ZC3H4: variants seen among roughly 807,000 people sequenced by gnomAD.
ZC3H4 encodes zinc finger CCCH-type containing 4, also known as zinc finger CCCH domain-containing protein 4.
In ZC3H4, 13 loss-of-function variants were observed where a neutral mutation model predicts 108.3. The observed-to-expected ratio is 0.12, with a 90% CI of 0.08 to 0.19. The LOEUF (loss-of-function observed/expected upper bound fraction) is 0.19, where lower values mean the gene tolerates loss of function less well. Ranked by LOEUF, ZC3H4 falls within the 10% of genes least tolerant of loss-of-function variation. ZC3H4 has a pLI of 1.00. For synonymous variants in ZC3H4, 917 were observed against 749.6 expected (o/e 1.22, Z -3.65); for missense variants, 1,734 against 1,838.8 (o/e 0.94, Z 1.04).
rs114294539 is a variant in ZC3H4 at position 47,082,707 on chromosome 19, T to G, written c.1219-412A>C. Among the ~76,000 whole-genome samples the G allele has an allele frequency of 5.4e-3, 817 of 152,242 alleles. 13 individuals carry two copies. Among genetic ancestry groups the G allele is most frequent in the African/African-American group, 0.019 (795 of 41,536 alleles). The stretch of plus-strand genomic sequence containing the variant: ...AGGCACAGCAACCACCGTGTAACCA[T>G]GAGGACAAAAGCCATATGTTTAAAG... On this transcript the variant is annotated intron_variant, in intron 9 of 14. Transcript: ENST00000253048.
intron 2 of ZC3H4, among the ~76,000 whole-genome samples, chr19:47,101,048 T>C (rs1238233730): frequency 6.6e-6 from 1 of 151,972 alleles, no homozygotes; most frequent in Non-Finnish European, 1.5e-5. Context: ...TACTGAAGAA[T>C]CTACAGGTAT....
At chr19:47,088,313 C>T (rs1234780706) in intron 5 of ZC3H4, among the ~76,000 whole-genome samples, 3 of 151,296 alleles carry the variant, frequency 2.0e-5, no homozygotes, top group East Asian at 3.9e-4. Context: ...TTTGGGAGGC[C>T]GAGGTAGGCG....
At chr19:47,088,773 T>C (rs1023777028) in intron 5 of ZC3H4, among the ~76,000 whole-genome samples, 2 of 152,092 alleles carry the variant, frequency 1.3e-5, no homozygotes, top group South Asian at 2.1e-4. Context: ...CTATCCAGTG[T>C]CCTTTTCACT....
At chr19:47,088,480 A>G (rs1366149417) in intron 5 of ZC3H4, among the ~76,000 whole-genome samples, 2 of 151,866 alleles carry the variant, frequency 1.3e-5, no homozygotes, top group Non-Finnish European at 2.9e-5. Context: ...CTCTGGAGGC[A>G]GAGGTTGCAG....
intron 2 of ZC3H4, among the ~76,000 whole-genome samples, chr19:47,103,288 C>T (rs1369414724): frequency 6.6e-6 from 1 of 152,126 alleles, no homozygotes; most frequent in East Asian, 1.9e-4. Flanking sequence ...ACTAAGACTT[C>T]TCTTTGTTTA....
At position 47,085,396 on chromosome 19, in the gene ZC3H4, G is replaced by T; in HGVS notation, c.889C>A (p.Pro297Thr). ...EEMDYGESEEPMGDDDYDEYS... is the reference protein window; with the variant it reads ...EEMDYGESEETMGDDDYDEYS... ...TCGTCATAGTCGTCGTCTCCCATTG[G>T]CTCCTCACTCTCTCCATACTGGAAT... The change falls in exon 7 of 15, where the codon CCA becomes ACA. Residue 297 changes from proline to threonine, a missense_variant. Pro to Thr is a conservative substitution (Grantham distance 38). Transcript: ENST00000253048. The T allele has an allele frequency of 6.3e-7, 1 of 1,597,074 alleles. No homozygotes were observed. Among genetic ancestry groups the T allele is most frequent in the Non-Finnish European group, 8.5e-7 (1 of 1,172,128 alleles).
chr19:47,097,242 CAA>C (rs2057837164), intron 2 of ZC3H4, among the ~76,000 whole-genome samples: 1 of 152,208 alleles, frequency 6.6e-6, no homozygotes, highest in Non-Finnish European at 1.5e-5. Flanking sequence ...CAACTTTTCA[CAA>C]AACAGGCAGT....
At chr19:47,112,329 CT>C in intron 2 of ZC3H4, 94 bp downstream of exon 2, 1 of 1,188,570 alleles carries the variant, frequency 8.4e-7, no homozygotes, top group Non-Finnish European at 1.1e-6. Context: ...CCTCCTCCTC[CT>C]CCGCGGCCCG....
At chr19:47,097,659 G>A (rs2057843762) in intron 2 of ZC3H4, among the ~76,000 whole-genome samples, 1 of 152,192 alleles carries the variant, frequency 6.6e-6, no homozygotes, top group African/African-American at 2.4e-5. Context: ...TTTCAGCGAT[G>A]CCACTTAACA....
rs192996395 is a variant in ZC3H4 at position 47,084,533 on chromosome 19, G to A, written c.1108-78C>T. On this transcript the variant is annotated intron_variant, in intron 8 of 14. Coordinates refer to ENST00000253048, the MANE Select transcript of ZC3H4 (RefSeq NM_015168.2). ...TGGGATCGGGGTTAATAAGAAGCAC[G>A]GGAGAAGGGGATGAGGGGTCCCTTC... 122 of 1,384,744 alleles carry A rather than the reference G, an allele frequency of 8.8e-5. No individual in the cohort carries two copies. In the Admixed American group the frequency reaches 1.9e-3, roughly 21 times the overall value. The allele number at this position is 1,384,744 out of a possible 1,614,324, so 85.8% of individuals were successfully genotyped here.
At chr19:47,074,722 T>C (rs1224267457) in intron 11 of ZC3H4, among the ~76,000 whole-genome samples, 2 of 152,196 alleles carry the variant, frequency 1.3e-5, no homozygotes, top group Non-Finnish European at 2.9e-5. Context: ...GTGAGCAGCC[T>C]AGTGAAAACC....
At chr19:47,101,166 C>T (rs1230502059) in intron 2 of ZC3H4, among the ~76,000 whole-genome samples, 2 of 151,882 alleles carry the variant, frequency 1.3e-5, no homozygotes, top group African/African-American at 4.8e-5. Context: ...ATGAGGAAAC[C>T]CCATCTCTAC....
chr19:47,078,560 A>C (rs973330111), intron 11 of ZC3H4, among the ~76,000 whole-genome samples: 3 of 151,874 alleles, frequency 2.0e-5, no homozygotes, highest in African/African-American at 7.3e-5. Flanking sequence ...GGGCGGGTGG[A>C]TCACCTGTCG....
chr19:47,070,695 A>AC (rs1374193354), intron 13 of ZC3H4, among the ~76,000 whole-genome samples: 2 of 152,130 alleles, frequency 1.3e-5, no homozygotes, highest in African/African-American at 4.8e-5. Context: ...GCCAAAGCCC[A>AC]CGTTCACATT....
At chr19:47,086,210 C>T (rs1184415474) in intron 6 of ZC3H4, among the ~76,000 whole-genome samples, 174 bp downstream of exon 6, 1 of 152,142 alleles carries the variant, frequency 6.6e-6, no homozygotes, top group Non-Finnish European at 1.5e-5. Context: ...TTATCTATTC[C>T]AAAATGATAA....
rs1555783599 is a variant in ZC3H4 at position 47,092,847 on chromosome 19, T to TAAATAAAC, written c.492+1122_492+1123insGTTTATTT. 5.7e-4 allele frequency among the ~76,000 whole-genome samples: 86 copies of TAAATAAAC among 150,158 alleles called. 1 individual carries two copies. Among genetic ancestry groups the TAAATAAAC allele is most frequent in the Middle Eastern group, 3.5e-3 (1 of 288 alleles). On this transcript the variant is annotated intron_variant, in intron 4 of 14. Coordinates refer to ENST00000253048, the MANE Select transcript of ZC3H4 (RefSeq NM_015168.2). ...ATAAATAAATAAATAAATAAATAAA[T>TAAATAAAC]AAACAAACAAGACAAAACATTTCTC...
chr19:47,112,522 C>T lies in ZC3H4; in HGVS notation c.63G>A (p.Pro21=). The change falls in exon 2 of 15, where the codon CCG becomes CCA. Residue 21 remains proline (P), a synonymous_variant. Transcript: ENST00000253048. ...PPSESPPPPS[P]PPPSTPSPPP... is the part of the protein sequence containing the mutation. ...GAGGCGAAGGCGTTGATGGCGGCGG[C>T]GGCGATGGCGGCGGCGGCGACTCTG... is the stretch of plus-strand genomic sequence containing the variant. 1.9e-6 allele frequency: 2 copies of T among 1,071,884 alleles called. No homozygotes were observed. Among genetic ancestry groups the T allele is most frequent in the Non-Finnish European group, 2.4e-6 (2 of 835,004 alleles). 66.4% of individuals were successfully genotyped at this position (1,071,884 alleles called of 1,614,324 possible).
At chr19:47,101,062 CCAGA>C (rs1384529753) in intron 2 of ZC3H4, among the ~76,000 whole-genome samples, 2 of 152,018 alleles carry the variant, frequency 1.3e-5, no homozygotes, top group Non-Finnish European at 2.9e-5. Context: ...CAGGTATAGG[CCAGA>C]CACAGTGGCT....
chr19:47,111,129 C>G (rs766873590), intron 2 of ZC3H4, among the ~76,000 whole-genome samples: 5 of 152,120 alleles, frequency 3.3e-5, no homozygotes, highest in Non-Finnish European at 7.4e-5. Context: ...CTTCCCCTCT[C>G]CACCCCCATT....
Sources: allele counts gnomAD v4.1 joint callset (sites outside exome capture counted in the v4.1 genomes callset), GRCh38; gene constraint gnomAD v4.1.1; transcripts MANE v1.5; gene names NCBI Gene and HGNC (gene_info 2026-07-23, HGNC 2026-07-21).